The following PFN4 variants were observed in gnomAD, a reference collection of about 807,000 sequenced individuals.
The protein encoded by PFN4 is profilin-4.
PFN4 carries 10 observed loss-of-function variants against 16.3 expected under a neutral mutation model. The observed-to-expected ratio is 0.61, with a 90% CI of 0.38 to 1.04. The LOEUF is 1.04. Among genes scored for constraint, PFN4 ranks in the 50% least tolerant of loss-of-function variants. The pLI, the probability that PFN4 is intolerant of heterozygous loss-of-function variation, is 0.01. For synonymous variants in PFN4, 54 were observed against 56.9 expected (o/e 0.95, Z 0.23); for missense variants, 136 against 153.6 (o/e 0.89, Z 0.61).
Position 24,115,604 on chromosome 2 carries a change from G to A in PFN4, c.369C>T (p.Tyr123=), listed in dbSNP as rs748648855. The A allele has an allele frequency of 6.2e-7, 1 of 1,611,456 alleles. No individual in the cohort carries two copies. Among genetic ancestry groups the A allele is most frequent in the Non-Finnish European group, 8.5e-7 (1 of 1,179,192 alleles). The stretch of plus-strand genomic sequence containing the variant: ...TGACTTAACTTCCTTTTTTTCTTAG[G>A]TAGTCTCCTGAAAGCAAACACAGCA... ...CVEATESLGD[Y]LRKKGS The change falls in exon 5 of 5, where the codon TAC becomes TAT. Residue 123 remains tyrosine (Y), a synonymous_variant. Transcript: ENST00000313213.
intron 2 of PFN4, 103 bp from the exon 3 acceptor site, chr2:24,121,403 G>T: frequency 9.1e-7 from 1 of 1,103,796 alleles, no homozygotes; most frequent in Non-Finnish European, 1.3e-6. Flanking sequence ...GCTAAGAATG[G>T]TTTTCATGTT....
chr2:24,122,964 T>C (rs1666169130), intron 1 of PFN4, 154 bp downstream of exon 1: 1 of 154,196 alleles, frequency 6.5e-6, no homozygotes. Flanking sequence ...AGATTATGCG[T>C]GGCCATAAAC....
intron 3 of PFN4, 28 bp from the exon 4 acceptor site, chr2:24,119,710 T>C (rs1666036093): frequency 6.4e-7 from 1 of 1,559,076 alleles, no homozygotes; most frequent in Non-Finnish European, 8.8e-7. Flanking sequence ...GAGAATATTC[T>C]GCTCTTGGTT....
Position 24,115,014 on chromosome 2 carries a change from C to T in PFN4, c.*569G>A, listed in dbSNP as rs1665869571. ...TCCATTGAATACCTTGACTAGTGGT[C>T]CATTGTTGAATGGCCTTTGCAATCC... is the stretch of plus-strand genomic sequence containing the variant. On this transcript the variant is annotated 3_prime_UTR_variant, in exon 5 of 5. Transcript: ENST00000313213. Among the ~76,000 whole-genome samples the T allele has an allele frequency of 6.6e-6, 1 of 152,176 alleles. No individual in the cohort carries two copies. Among genetic ancestry groups the T allele is most frequent in the Non-Finnish European group, 1.5e-5 (1 of 68,024 alleles).
chr2:24,121,281 C>A lies in PFN4; in HGVS notation c.137G>T (p.Arg46Leu), dbSNP rs772137902. 3.1e-6 allele frequency: 5 copies of A among 1,614,138 alleles called. No individual in the cohort carries two copies. Among genetic ancestry groups the A allele is most frequent in the Non-Finnish European group, 4.2e-6 (5 of 1,180,028 alleles). Residue 46 changes from arginine (R) to leucine (L), a missense_variant, in exon 3 of 5, where the codon CGA (arginine) becomes CTA (leucine). Arg to Leu is a moderately radical substitution (Grantham distance 102, BLOSUM62 -2). Coordinates refer to ENST00000313213, the MANE Select transcript of PFN4 (RefSeq NM_199346.3). ...PGFNVTPSDV[R>L]TLVNGFAKNP... Reference sequence around the variant, plus strand: ...CTTGGCAAATCCATTCACCAGTGTTCGGACATCACTGGGCGTTACCTGGAG... The same window carrying A: ...CTTGGCAAATCCATTCACCAGTGTTAGGACATCACTGGGCGTTACCTGGAG...
intron 2 of PFN4, among the ~76,000 whole-genome samples, chr2:24,122,064 G>A (rs1666134882): frequency 6.6e-6 from 1 of 152,176 alleles, no homozygotes; most frequent in Admixed American, 6.5e-5. Flanking sequence ...GGGCACGGTG[G>A]CTCATGCCTG....
intron 4 of PFN4, among the ~76,000 whole-genome samples, chr2:24,119,321 G>A (rs1169935017): frequency 6.6e-6 from 1 of 152,162 alleles, no homozygotes; most frequent in Non-Finnish European, 1.5e-5. Flanking sequence ...AAAGGAAACA[G>A]TTTGCTATGA....
chr2:24,121,168 T>C lies in PFN4; in HGVS notation c.250A>G (p.Lys84Glu), dbSNP rs200264162. Reference protein sequence around the residue: ...VRADEYSLYAKNENTGVVVVK... With the variant: ...VRADEYSLYAENENTGVVVVK... Reference sequence around the variant, plus strand: ...TTCAAATCTTGAGCACTCACATTTTTGGCATAAAGAGAATATTCATCTGCC... The same window carrying C: ...TTCAAATCTTGAGCACTCACATTTTCGGCATAAAGAGAATATTCATCTGCC... The change falls in exon 3 of 5, where the codon AAA becomes GAA. Residue 84 changes from lysine to glutamate, a missense_variant. Transcript: ENST00000313213. 1.2e-6 allele frequency: 2 copies of C among 1,614,074 alleles called. No individual in the cohort carries two copies. Among genetic ancestry groups the C allele is most frequent in the East Asian group, 2.2e-5 (1 of 44,892 alleles).
Position 24,119,578 on chromosome 2 carries a change from C to T in PFN4, c.360G>A (p.Leu120=), listed in dbSNP as rs547849303. ...ACAGGAACTAGGAGGCCAACTTACC[C>T]AGGCTCTCTGTGGCTTCCACACAGA... ...PSICVEATES[L]GDYLRKKGS is the part of the protein sequence containing the mutation. Residue 120 remains leucine, a splice_region_variant and synonymous_variant, in exon 4 of 5, where the codon CTG becomes CTA. Coordinates refer to ENST00000313213, the MANE Select transcript of PFN4 (RefSeq NM_199346.3). 1 of 1,612,508 alleles carries T rather than the reference C, an allele frequency of 6.2e-7. No individual in the cohort carries two copies. Among genetic ancestry groups the T allele is most frequent in the South Asian group, 1.1e-5 (1 of 90,818 alleles).
chr2:24,120,872 CTTTT>C (rs35518003), intron 3 of PFN4, among the ~76,000 whole-genome samples: 1 of 141,834 alleles, frequency 7.1e-6, no homozygotes. Flanking sequence ...ATGATTATCT[CTTTT>C]TTTTTTTTTT....
intron 4 of PFN4, among the ~76,000 whole-genome samples, chr2:24,116,567 G>A (rs1665923775): frequency 6.6e-6 from 1 of 151,792 alleles, no homozygotes; most frequent in Non-Finnish European, 1.5e-5. Flanking sequence ...TTCAACCTGA[G>A]GACCTGGCCG....
At chr2:24,120,294 A>C (rs552226373) in intron 3 of PFN4, among the ~76,000 whole-genome samples, 1 of 151,996 alleles carries the variant, frequency 6.6e-6, no homozygotes, top group East Asian at 1.9e-4. Flanking sequence ...AACAAAACAA[A>C]ACAAAACAAA....
chr2:24,121,559 C>T, intron 2 of PFN4, among the ~76,000 whole-genome samples: 1 of 152,124 alleles, frequency 6.6e-6, no homozygotes, highest in East Asian at 1.9e-4. Context: ...TGTTTTTCCT[C>T]TACAATTGCA....
intron 1 of PFN4, chr2:24,122,833 T>C (rs1284443929): frequency 3.7e-6 from 1 of 269,346 alleles, no homozygotes; most frequent in African/African-American, 2.2e-5. Flanking sequence ...ATCAGGATTA[T>C]CTGCGATTTA....
At chr2:24,120,872 CT>C (rs35518003) in intron 3 of PFN4, among the ~76,000 whole-genome samples, 18,985 of 141,522 alleles carry the variant, frequency 0.13, 1,271 homozygotes, top group South Asian at 0.19. Flanking sequence ...ATGATTATCT[CT>C]TTTTTTTTTT....
At chr2:24,117,482 G>A (rs1442604275) in intron 4 of PFN4, among the ~76,000 whole-genome samples, 4 of 145,754 alleles carry the variant, frequency 2.7e-5, no homozygotes, top group Non-Finnish European at 4.5e-5. Flanking sequence ...TCGCTGTGAC[G>A]CCCAGGCTGG....
chr2:24,122,837 C>G (rs3795953), intron 1 of PFN4: 75,054 of 235,838 alleles, frequency 0.32, 12,501 homozygotes, highest in South Asian at 0.42. Context: ...GGATTATCTG[C>G]GATTTAAAAA....
At chr2:24,118,455 C>A (rs1665992401) in intron 4 of PFN4, among the ~76,000 whole-genome samples, 1 of 152,200 alleles carries the variant, frequency 6.6e-6, no homozygotes, top group Non-Finnish European at 1.5e-5. Context: ...ATTCATCAAA[C>A]ATGTACTAAT....
chr2:24,115,643 T>G (rs774127403), intron 4 of PFN4, 32 bp from the exon 5 acceptor site: 4 of 1,605,360 alleles, frequency 2.5e-6, no homozygotes, highest in Non-Finnish European at 3.4e-6. Context: ...TTATTATTTA[T>G]GAGCTGCAAA....
Sources: allele counts gnomAD v4.1 joint callset (sites outside exome capture counted in the v4.1 genomes callset), GRCh38; gene constraint gnomAD v4.1.1; transcripts MANE v1.5; gene names NCBI Gene and HGNC (gene_info 2026-07-23, HGNC 2026-07-21).